The following SLC16A12 variants were observed in gnomAD, a reference collection of about 807,000 sequenced individuals.
The protein encoded by SLC16A12 is solute carrier family 16 member 12.
SLC16A12 carries 17 observed loss-of-function variants against 42.4 expected under a neutral mutation model. That is an observed-to-expected ratio of 0.40 (90% CI 0.27 to 0.60). The LOEUF (loss-of-function observed/expected upper bound fraction) is 0.60, where lower values mean the gene tolerates loss of function less well. Among genes scored for constraint, SLC16A12 ranks in the 20% least tolerant of loss-of-function variants. The probability of loss-of-function intolerance (pLI) is 0.42; values close to 1 mark genes in which losing one functional copy is unlikely to be tolerated. For missense variants in SLC16A12, 544 were observed against 623.0 expected (o/e 0.87, Z 1.35); for synonymous variants, 224 against 229.4 (o/e 0.98, Z 0.21).
At chr10:89,453,310 T>C (rs1446324173) in intron 3 of SLC16A12, among the ~76,000 whole-genome samples, 1 of 152,234 alleles carries the variant, frequency 6.6e-6, no homozygotes, top group Non-Finnish European at 1.5e-5. Context: ...TAAAAATTGC[T>C]AGTCTAATAC....
intron 2 of SLC16A12, among the ~76,000 whole-genome samples, chr10:89,506,651 A>T (rs1163343224): frequency 6.6e-6 from 1 of 152,248 alleles, no homozygotes; most frequent in East Asian, 1.9e-4. Context: ...AATTCCAAAA[A>T]CCAGACAGCT....
At chr10:89,499,213 A>G (rs1024577658) in intron 2 of SLC16A12, among the ~76,000 whole-genome samples, 2 of 152,190 alleles carry the variant, frequency 1.3e-5, no homozygotes, top group African/African-American at 4.8e-5. Context: ...AGCCCAATTT[A>G]AGGAAATCAA....
rs1477259062 is a variant in SLC16A12, at chr10:89,534,657, AAAAAAAAAAAAAAATC to A, written c.-186-33_-186-18del. 28 of 148,524 alleles carry A rather than the reference AAAAAAAAAAAAAAATC, an allele frequency of 1.9e-4. No homozygotes were observed. Among genetic ancestry groups the A allele is most frequent in the African/African-American group, 6.7e-4 (27 of 40,024 alleles). The allele number at this position is 148,524 out of a possible 1,614,324, so 9.2% of individuals were successfully genotyped here. A position where few individuals can be genotyped will look rare whatever the true frequency, so the allele number is the denominator to read the frequency against. ...ATCCTGTATCTGCAAAAAAAAAAAA[AAAAAAAAAAAAAAATC>A]CAAAAATTAGCCGGGCGTGGTGGCG... On this transcript the variant is annotated intron_variant, in intron 1 of 7. Transcript: ENST00000371790.
intron 6 of SLC16A12, among the ~76,000 whole-genome samples, chr10:89,436,895 A>G (rs1231926010): frequency 1.3e-5 from 2 of 149,056 alleles, no homozygotes; most frequent in African/African-American, 5.1e-5. Context: ...AAAGAAAGAA[A>G]GAAAGAAAGA....
chr10:89,435,933 C>T (rs1841776291), intron 7 of SLC16A12, 127 bp downstream of exon 7: 3 of 1,362,048 alleles, frequency 2.2e-6, no homozygotes, highest in Non-Finnish European at 1.0e-6. Flanking sequence ...GCTCTTATAT[C>T]CCTTTTCTCT....
At chr10:89,439,418 A>T (rs1201107154) in intron 5 of SLC16A12, among the ~76,000 whole-genome samples, 2 of 152,236 alleles carry the variant, frequency 1.3e-5, no homozygotes, top group Non-Finnish European at 2.9e-5. Context: ...ATGACTTCAT[A>T]AACAAAATTA....
intron 2 of SLC16A12, among the ~76,000 whole-genome samples, chr10:89,494,899 C>A (rs1842899836): frequency 6.6e-6 from 1 of 152,186 alleles, no homozygotes; most frequent in South Asian, 2.1e-4. Context: ...GGTATTTAGT[C>A]TGTGGAAATG....
At chr10:89,463,469 T>C (rs1410662832) in intron 2 of SLC16A12, among the ~76,000 whole-genome samples, 2 of 152,180 alleles carry the variant, frequency 1.3e-5, no homozygotes, top group Non-Finnish European at 2.9e-5. Context: ...CATTTAGCTG[T>C]TGACCTTCCA....
At chr10:89,538,074 C>T (rs1589736546), upstream of SLC16A12, among the ~76,000 whole-genome samples, 1 of 152,252 alleles carries the variant, frequency 6.6e-6, no homozygotes, top group African/African-American at 2.4e-5. Context: ...CCTGACATAG[C>T]TGCTGACAGG....
chr10:89,443,676 A>C (rs1589663368), intron 4 of SLC16A12, 80 bp downstream of exon 4: 1 of 1,023,060 alleles, frequency 9.8e-7, no homozygotes, highest in South Asian at 1.3e-5. Flanking sequence ...GAAAACTAGT[A>C]ATCAAAGTCA....
At chr10:89,533,703 T>C (rs1299827984) in intron 2 of SLC16A12, among the ~76,000 whole-genome samples, 2 of 152,038 alleles carry the variant, frequency 1.3e-5, no homozygotes, top group African/African-American at 4.8e-5. Context: ...ACCTGAGAAG[T>C]ATCTGTATAT....
intron 2 of SLC16A12, among the ~76,000 whole-genome samples, chr10:89,541,375 A>G (rs1388026265): frequency 6.6e-6 from 1 of 152,152 alleles, no homozygotes; most frequent in East Asian, 1.9e-4. Context: ...CCAGAGGATC[A>G]CTTGAGGCCA....
intron 4 of SLC16A12, 22 bp downstream of exon 4, chr10:89,443,734 T>C: frequency 6.5e-7 from 1 of 1,536,402 alleles, no homozygotes; most frequent in Non-Finnish European, 9.0e-7. Context: ...AGTAATTCCC[T>C]ATCCTAGTAA....
intron 2 of SLC16A12, among the ~76,000 whole-genome samples, chr10:89,516,615 C>T (rs1334229206): frequency 6.6e-6 from 1 of 152,196 alleles, no homozygotes; most frequent in Non-Finnish European, 1.5e-5. Context: ...AGCTCAGTTC[C>T]TAGGCTTTGC....
intron 2 of SLC16A12, among the ~76,000 whole-genome samples, chr10:89,550,043 C>T (rs762661126): frequency 2.0e-4 from 31 of 152,122 alleles, no homozygotes; most frequent in African/African-American, 7.5e-4. Context: ...CCATATCAAT[C>T]CATCAACAAG....
At chr10:89,507,819 G>A (rs912631875) in intron 2 of SLC16A12, among the ~76,000 whole-genome samples, 30 of 152,178 alleles carry the variant, frequency 2.0e-4, no homozygotes, top group African/African-American at 7.2e-4. Context: ...TCAGTGCACT[G>A]TATTCAGGAG....
chr10:89,472,811 T>A (rs1034909179), intron 2 of SLC16A12, among the ~76,000 whole-genome samples: 14 of 151,796 alleles, frequency 9.2e-5, no homozygotes, highest in South Asian at 4.2e-4. Flanking sequence ...TTCTTTTAAA[T>A]TTTTTTCTTT....
chr10:89,504,179 T>C (rs1274778346), intron 2 of SLC16A12, among the ~76,000 whole-genome samples: 1 of 152,194 alleles, frequency 6.6e-6, no homozygotes, highest in Non-Finnish European at 1.5e-5. Context: ...CTCTTTTCCG[T>C]TGCTTCAAAT....
At chr10:89,468,172 G>C (rs1842435476) in intron 2 of SLC16A12, 1 of 152,204 alleles carries the variant, frequency 6.6e-6, no homozygotes, top group Admixed American at 6.5e-5. Flanking sequence ...ATGAACAAAG[G>C]TCTGTTGTAA....
Sources: gnomAD v4.1 joint callset for allele counts (sites outside exome capture counted in the v4.1 genomes callset) on GRCh38, gnomAD v4.1.1 for gene constraint, MANE v1.5 for transcripts, NCBI Gene and HGNC (gene_info 2026-07-23, HGNC 2026-07-21) for gene names.